Variants in NETO2 observed in about 807,000 individuals in gnomAD.
NETO2 encodes the protein neuropilin and tolloid-like protein 2.
A neutral mutation model predicts 62.5 loss-of-function variants in NETO2; 28 were observed. The ratio of observed to expected loss-of-function variants is 0.45; its 90% confidence interval spans 0.33 to 0.61. The LOEUF (loss-of-function observed/expected upper bound fraction) is 0.61, where lower values mean the gene tolerates loss of function less well. Among genes scored for constraint, NETO2 ranks in the 20% least tolerant of loss-of-function variants. The pLI, the probability that NETO2 is intolerant of heterozygous loss-of-function variation, is 0.02. For synonymous variants in NETO2, 214 were observed against 219.1 expected (o/e 0.98, Z 0.21); for missense variants, 548 against 643.2 (o/e 0.85, Z 1.60).
At chr16:47,104,020 A>G (rs929542498) in intron 7 of NETO2, among the ~76,000 whole-genome samples, 2 of 152,202 alleles carry the variant, frequency 1.3e-5, no homozygotes, top group Non-Finnish European at 2.9e-5. Context: ...TTCTGGTTAG[A>G]GCAATTAGGC....
chr16:47,106,720 C>A (rs1424977134), intron 7 of NETO2, among the ~76,000 whole-genome samples: 3 of 151,780 alleles, frequency 2.0e-5, no homozygotes, highest in Non-Finnish European at 2.9e-5. Context: ...CAATGCTGTA[C>A]TATGCAGCTA....
intron 1 of NETO2, among the ~76,000 whole-genome samples, chr16:47,142,971 C>A (rs548175414): frequency 6.6e-6 from 1 of 151,784 alleles, no homozygotes; most frequent in South Asian, 2.1e-4. Flanking sequence ...CCCCGGGGGC[C>A]GGGACAAGCC....
At chr16:47,104,728 CTT>C (rs966250116) in intron 7 of NETO2, among the ~76,000 whole-genome samples, 1 of 149,368 alleles carries the variant, frequency 6.7e-6, no homozygotes, top group African/African-American at 2.5e-5. Context: ...CACATAATTT[CTT>C]TTTTTTTTGG....
intron 1 of NETO2, among the ~76,000 whole-genome samples, chr16:47,136,595 G>A (rs867590500): frequency 2.6e-5 from 4 of 152,126 alleles, no homozygotes; most frequent in South Asian, 4.1e-4. Flanking sequence ...TAGTAGAGAC[G>A]GGGTTTCACT....
rs946182275 is a variant in NETO2, at chr16:47,083,043, G to C, written c.*178C>G. On this transcript the variant is annotated 3_prime_UTR_variant, in exon 9 of 9. Coordinates refer to ENST00000562435, the MANE Select transcript of NETO2 (RefSeq NM_018092.5). ...ACTGAATAGAGTAAGTTCCTTGATT[G>C]GTTTAACATATATAGACTGCCTGAG... The C allele has an allele frequency of 3.1e-5, 17 of 552,916 alleles. No homozygotes were observed. In the South Asian group the frequency reaches 5.5e-4, roughly 18 times the overall value. The allele number at this position is 552,916 out of a possible 1,614,324, so 34.3% of individuals were successfully genotyped here.
intron 6 of NETO2, among the ~76,000 whole-genome samples, chr16:47,120,175 TAGAG>T (rs753738093): frequency 7.7e-4 from 118 of 152,352 alleles, no homozygotes; most frequent in Middle Eastern, 6.8e-3. Flanking sequence ...TCTAGTGAGA[TAGAG>T]ACATTCTTGA....
chr16:47,100,243 A>G (rs910123459), intron 7 of NETO2, among the ~76,000 whole-genome samples: 1 of 152,242 alleles, frequency 6.6e-6, no homozygotes, highest in East Asian at 1.9e-4. Context: ...GCAGAAATAA[A>G]TAAGTTCTTT....
At chr16:47,111,689 A>G (rs1963804679) in intron 6 of NETO2, among the ~76,000 whole-genome samples, 1 of 152,142 alleles carries the variant, frequency 6.6e-6, no homozygotes, top group African/African-American at 2.4e-5. Flanking sequence ...CCTCATAGGA[A>G]GTGGGACTGG....
rs746804194 is a variant in NETO2, at chr16:47,118,857, CCAAA to C, written c.654+3796_654+3799del. Among the ~76,000 whole-genome samples, 132 of 152,256 alleles carry C rather than the reference CCAAA, an allele frequency of 8.7e-4. 1 individual carries two copies. In the Middle Eastern group the frequency reaches 0.017, roughly 20 times the overall value. On this transcript the variant is annotated intron_variant, in intron 6 of 8. Coordinates refer to ENST00000562435, the MANE Select transcript of NETO2 (RefSeq NM_018092.5). Reference sequence around the variant, plus strand: ...AAATAACCTTTATCCTATTATCAAACCAAACAAATAAATAACTTAATATTAAATA... The same window carrying C: ...AAATAACCTTTATCCTATTATCAAACCAAATAAATAACTTAATATTAAATA...
In NETO2 at chr16:47,080,428, T is replaced by A. The variant is rs1366064417; in HGVS notation, c.*2793A>T. 2 of 152,234 alleles carry A rather than the reference T, an allele frequency of 1.3e-5. No individual in the cohort carries two copies. The highest frequency in any genetic ancestry group is 1.3e-4 in the Admixed American group (2 of 15,282). The allele number at this position is 152,234 out of a possible 1,614,324, so 9.4% of individuals were successfully genotyped here. The stretch of plus-strand genomic sequence containing the variant: ...ATGAATTCCACAAGATTGCTAAATT[T>A]CATGTCTTCTGTTATTAAATTTTAT... On this transcript the variant is annotated 3_prime_UTR_variant, in exon 9 of 9. Coordinates refer to ENST00000562435, the MANE Select transcript of NETO2 (RefSeq NM_018092.5).
intron 7 of NETO2, among the ~76,000 whole-genome samples, chr16:47,107,588 G>A (rs1192198169): frequency 6.6e-6 from 1 of 152,200 alleles, no homozygotes; most frequent in Non-Finnish European, 1.5e-5. Context: ...CCTTGGAAAT[G>A]CGGCTGGTCC....
At chr16:47,114,380 C>G (rs371731626) in intron 6 of NETO2, among the ~76,000 whole-genome samples, 5 of 63,990 alleles carry the variant, frequency 7.8e-5, no homozygotes, top group South Asian at 5.0e-4. Context: ...TTTTTTTTTT[C>G]TCACTCAACA....
At chr16:47,128,221 G>C (rs980054163) in intron 4 of NETO2, 104 bp downstream of exon 4, 7 of 1,378,766 alleles carry the variant, frequency 5.1e-6, no homozygotes, top group African/African-American at 1.4e-5. Context: ...TTAAAATCTT[G>C]ATTTGATTAA....
chr16:47,143,281 G>A (rs1447510526), intron 1 of NETO2, among the ~76,000 whole-genome samples: 2 of 152,126 alleles, frequency 1.3e-5, no homozygotes, highest in South Asian at 4.1e-4. Context: ...GCGCAGCCCG[G>A]AGGGCCCTGC....
Position 47,083,213 on chromosome 16 carries a change from G to A in NETO2, c.*8C>T. ...ACCCTAAGAATTCACATCACCATTA[G>A]CAGAAGATTAGAAGTCAATGGATAT... is the stretch of plus-strand genomic sequence containing the variant. On this transcript the variant is annotated 3_prime_UTR_variant, in exon 9 of 9. Transcript: ENST00000562435. The A allele has an allele frequency of 6.3e-7, 1 of 1,596,192 alleles. No homozygotes were observed. Among genetic ancestry groups the A allele is most frequent in the East Asian group, 2.2e-5 (1 of 44,720 alleles).
chr16:47,119,884 T>C (rs1222299065), intron 6 of NETO2, among the ~76,000 whole-genome samples: 1 of 152,246 alleles, frequency 6.6e-6, no homozygotes, highest in East Asian at 1.9e-4. Flanking sequence ...ATGTTCAGAC[T>C]TCCTTTGTTA....
In NETO2 at chr16:47,080,479, TAA is replaced by T. The variant is rs371194296; in HGVS notation, c.*2740_*2741del. 115 of 152,346 alleles carry T rather than the reference TAA, an allele frequency of 7.5e-4. No individual in the cohort carries two copies. Among genetic ancestry groups the T allele is most frequent in the African/African-American group, 2.6e-3 (108 of 41,582 alleles). The allele number at this position is 152,346 out of a possible 1,614,324, so 9.4% of individuals were successfully genotyped here. On this transcript the variant is annotated 3_prime_UTR_variant, in exon 9 of 9. Coordinates refer to ENST00000562435, the MANE Select transcript of NETO2 (RefSeq NM_018092.5). The stretch of plus-strand genomic sequence containing the variant: ...GGCTTTCATTTTAGTAAGCAATTTA[TAA>T]AGTTTTCTCACTGATCTCAAAGATT...
At chr16:47,106,113 G>A (rs913345072) in intron 7 of NETO2, among the ~76,000 whole-genome samples, 8 of 145,934 alleles carry the variant, frequency 5.5e-5, no homozygotes, top group Admixed American at 4.7e-4. Context: ...ATGACCACAT[G>A]GATGAACCAT....
At chr16:47,118,518 T>C (rs1963968688) in intron 6 of NETO2, among the ~76,000 whole-genome samples, 1 of 152,222 alleles carries the variant, frequency 6.6e-6, no homozygotes, top group Non-Finnish European at 1.5e-5. Flanking sequence ...TGAGTTCTGA[T>C]TAAGAGAGAA....
Sources: allele counts gnomAD v4.1 joint callset (sites outside exome capture counted in the v4.1 genomes callset), GRCh38; gene constraint gnomAD v4.1.1; transcripts MANE v1.5; gene names NCBI Gene and HGNC (gene_info 2026-07-23, HGNC 2026-07-21).